Variants in LRRC37A2 observed in about 807,000 individuals in gnomAD.
LRRC37A2 encodes the protein leucine rich repeat containing 37 member A2.
In LRRC37A2, 9 loss-of-function variants were observed where a neutral mutation model predicts 68.8. The ratio of observed to expected loss-of-function variants is 0.13; its 90% CI spans 0.08 to 0.23. LRRC37A2 has a LOEUF of 0.23. Among genes scored for constraint, LRRC37A2 ranks in the 10% least tolerant of loss-of-function variants. LRRC37A2 has a pLI of 1.00. For synonymous variants in LRRC37A2, 63 were observed against 367.6 expected (o/e 0.17, Z 9.48); for missense variants, 168 against 950.4 (o/e 0.18, Z 10.82).
chr17:46,973,886 G>A, the LRRC37A2 span, among the ~76,000 whole-genome samples: 7 of 152,036 alleles, frequency 4.6e-5, no homozygotes, highest in Non-Finnish European at 5.9e-5. Flanking sequence ...TGCTGTACCC[G>A]CCACCTCGCA....
chr17:47,002,250 G>C, the LRRC37A2 span, among the ~76,000 whole-genome samples: 19 of 152,118 alleles, frequency 1.2e-4, no homozygotes, highest in Admixed American at 7.2e-4. Flanking sequence ...ATGTATTTCT[G>C]GAATACCTGA....
chr17:46,746,197 A>G, the LRRC37A2 span, among the ~76,000 whole-genome samples: 1 of 152,180 alleles, frequency 6.6e-6, no homozygotes, highest in Non-Finnish European at 1.5e-5. Flanking sequence ...ATTTTTTCCT[A>G]GTTGATTCCT....
At chr17:46,498,828 T>C in the LRRC37A2 span, among the ~76,000 whole-genome samples, 1 of 150,100 alleles carries the variant, frequency 6.7e-6, no homozygotes, top group East Asian at 1.9e-4. Flanking sequence ...ATATGTATAG[T>C]GGTTGAAAGC....
chr17:46,969,095 G>A, the LRRC37A2 span, among the ~76,000 whole-genome samples: 26 of 152,300 alleles, frequency 1.7e-4, no homozygotes, highest in South Asian at 6.2e-4. Flanking sequence ...CACAGCCACC[G>A]GCCTCCCAGG....
the LRRC37A2 span, chr17:47,018,930 C>A: frequency 2.0e-5 from 30 of 1,519,642 alleles, no homozygotes; most frequent in East Asian, 1.8e-4. Flanking sequence ...GAAAGTTGTA[C>A]CCCAACTTCG....
chr17:46,978,963 G>T, the LRRC37A2 span: 2 of 1,452,082 alleles, frequency 1.4e-6, no homozygotes, highest in Non-Finnish European at 1.8e-6. Flanking sequence ...CGCCCACGCC[G>T]TCCACCTCCT....
the LRRC37A2 span, among the ~76,000 whole-genome samples, chr17:47,013,157 T>A: frequency 6.6e-6 from 1 of 152,140 alleles, no homozygotes; most frequent in Admixed American, 6.5e-5. Flanking sequence ...AGTAGGCAAA[T>A]CCATAGAGAC....
At chr17:46,492,406 A>C in the LRRC37A2 span, among the ~76,000 whole-genome samples, 2 of 150,946 alleles carry the variant, frequency 1.3e-5, no homozygotes, top group African/African-American at 2.5e-5. Flanking sequence ...ATCACAGTGC[A>C]TTTATCTGTT....
chr17:46,712,909 C>T, the LRRC37A2 span, among the ~76,000 whole-genome samples: 1 of 152,098 alleles, frequency 6.6e-6, no homozygotes, highest in Non-Finnish European at 1.5e-5. Context: ...ATCAAATGCT[C>T]CTAAGAGGCT....
At chr17:46,551,102 A>AG in intron 11 of LRRC37A2, among the ~76,000 whole-genome samples, 1 of 149,820 alleles carries the variant, frequency 6.7e-6, no homozygotes, top group Non-Finnish European at 1.5e-5. Context: ...CTCATACTCT[A>AG]GCCCTCCTGA....
chr17:46,842,444 G>A, the LRRC37A2 span, among the ~76,000 whole-genome samples: 47 of 152,204 alleles, frequency 3.1e-4, no homozygotes, highest in Non-Finnish European at 3.2e-4. Flanking sequence ...GCGCGATCAC[G>A]GCTCACTGCA....
At chr17:46,895,851 CAGGTGTCTG>C in the LRRC37A2 span, among the ~76,000 whole-genome samples, 1 of 152,284 alleles carries the variant, frequency 6.6e-6, no homozygotes, top group African/African-American at 2.4e-5. Flanking sequence ...GGTCCTACTG[CAGGTGTCTG>C]AGGATCCAGG....
At chr17:46,914,071 TAGAA>T in the LRRC37A2 span, among the ~76,000 whole-genome samples, 1 of 152,110 alleles carries the variant, frequency 6.6e-6, no homozygotes, top group Admixed American at 6.5e-5. Flanking sequence ...CTCTGTGTTT[TAGAA>T]AGATCTTTTG....
At chr17:46,771,950 G>A in the LRRC37A2 span, among the ~76,000 whole-genome samples, 1 of 146,308 alleles carries the variant, frequency 6.8e-6, no homozygotes, top group South Asian at 2.2e-4. Flanking sequence ...GCCGCGCCTC[G>A]CCCCTTCCGG....
At chr17:46,827,852 C>G in the LRRC37A2 span, among the ~76,000 whole-genome samples, 3 of 151,398 alleles carry the variant, frequency 2.0e-5, no homozygotes, top group Non-Finnish European at 2.9e-5. Context: ...CTCTGTCTCC[C>G]AGGCTGGAGT....
the LRRC37A2 span, chr17:46,818,729 A>C: frequency 1.1e-6 from 1 of 902,412 alleles, no homozygotes; most frequent in Non-Finnish European, 1.8e-6. Flanking sequence ...CTCCACCCGC[A>C]GCCGCCCCCC....
At chr17:47,041,452 C>CTTT in the LRRC37A2 span, among the ~76,000 whole-genome samples, 147 of 36,440 alleles carry the variant, frequency 4.0e-3, no homozygotes, top group South Asian at 6.0e-3. Flanking sequence ...TTGGATGTCT[C>CTTT]TTTTTTTTTT....
the LRRC37A2 span, chr17:46,831,589 AG>A: frequency 6.5e-6 from 1 of 152,866 alleles, no homozygotes; most frequent in African/African-American, 2.4e-5. Context: ...AGGGCCCCAG[AG>A]TGGCGGGGTC....
chr17:46,726,533 C>T, the LRRC37A2 span: 5 of 1,612,802 alleles, frequency 3.1e-6, no homozygotes, highest in Admixed American at 3.3e-5. Flanking sequence ...TAATAAATGA[C>T]TTTGTTTTCT....
Sources: gnomAD v4.1 joint callset for allele counts (sites outside exome capture counted in the v4.1 genomes callset) on GRCh38, gnomAD v4.1.1 for gene constraint, MANE v1.5 for transcripts, NCBI Gene and HGNC (gene_info 2026-07-23, HGNC 2026-07-21) for gene names.